The following MGAT4A variants were observed in gnomAD, a reference collection of about 807,000 sequenced individuals.
MGAT4A encodes the protein N-acetylglucosaminyltransferase IVa.
A neutral mutation model predicts 74.1 loss-of-function variants in MGAT4A; 33 were observed. The observed-to-expected ratio is 0.45, with a 90% confidence interval of 0.34 to 0.60. MGAT4A has a LOEUF of 0.60. MGAT4A is among the 20% of genes least tolerant of loss of function. The pLI is 0.02. For synonymous variants in MGAT4A, 198 were observed against 210.4 expected, an observed-to-expected ratio of 0.94 and a Z score of 0.51; for missense variants, 479 against 628.3, an observed-to-expected ratio of 0.76 and a Z score of 2.54.
At chr2:98,710,440 T>C (rs1199883349) in intron 2 of MGAT4A, among the ~76,000 whole-genome samples, 1 of 152,114 alleles carries the variant, frequency 6.6e-6, no homozygotes, top group Non-Finnish European at 1.5e-5. Flanking sequence ...GGAATATGAT[T>C]AATTTTGTGT....
chr2:98,636,506 A>G lies in MGAT4A; in HGVS notation c.1401+11T>C, dbSNP rs753358053. The G allele has an allele frequency of 6.3e-7, 1 of 1,595,252 alleles. No individual in the cohort carries two copies. Among genetic ancestry groups the G allele is most frequent in the Admixed American group, 1.7e-5 (1 of 60,008 alleles). ...TTGTTAGGGAAAGGTAAGAGGAAAT[A>G]GCAGTCATACCTTAAAAGGCAAAAC... On this transcript the variant is annotated intron_variant, in intron 13 of 15. Coordinates refer to ENST00000393487, the MANE Select transcript of MGAT4A (RefSeq NM_012214.3).
chr2:98,702,397 C>T (rs1702365665), intron 2 of MGAT4A, among the ~76,000 whole-genome samples: 1 of 152,196 alleles, frequency 6.6e-6, no homozygotes, highest in Non-Finnish European at 1.5e-5. Context: ...GACTGGCACA[C>T]CAGCTGGAGA....
chr2:98,720,269 G>T (rs1337503721), intron 2 of MGAT4A, among the ~76,000 whole-genome samples: 1 of 152,212 alleles, frequency 6.6e-6, no homozygotes. Flanking sequence ...ATTAGTATTT[G>T]AATCTGTAGA....
chr2:98,727,884 C>A (rs75603494), intron 1 of MGAT4A, among the ~76,000 whole-genome samples: 6,614 of 152,198 alleles, frequency 0.043, 198 homozygotes, highest in Non-Finnish European at 0.068. Context: ...AAAATCGTTC[C>A]TATGAGGCAG....
At chr2:98,676,848 A>G (rs1701981865) in intron 3 of MGAT4A, among the ~76,000 whole-genome samples, 1 of 152,216 alleles carries the variant, frequency 6.6e-6, no homozygotes, top group African/African-American at 2.4e-5. Context: ...AGGAAACAAA[A>G]AATGTTAGTA....
intron 8 of MGAT4A, among the ~76,000 whole-genome samples, chr2:98,653,997 C>T (rs974026595): frequency 3.9e-5 from 6 of 152,046 alleles, no homozygotes; most frequent in African/African-American, 9.7e-5. Flanking sequence ...ATACAGGGAT[C>T]GTTCAACACA....
intron 2 of MGAT4A, among the ~76,000 whole-genome samples, chr2:98,715,437 ACAC>A (rs1218467939): frequency 1.3e-5 from 2 of 152,204 alleles, no homozygotes; most frequent in Non-Finnish European, 2.9e-5. Flanking sequence ...CATTTGGAAA[ACAC>A]CACAGTAAGA....
chr2:98,654,943 C>CA (rs1701637030), intron 8 of MGAT4A, among the ~76,000 whole-genome samples: 1 of 152,088 alleles, frequency 6.6e-6, no homozygotes, highest in Non-Finnish European at 1.5e-5. Flanking sequence ...AATCCCATGA[C>CA]ATATTGTGTT....
rs1433625804 is a variant in MGAT4A, at chr2:98,624,065, T to G, written c.*1501A>C. On this transcript the variant is annotated 3_prime_UTR_variant, in exon 16 of 16. Transcript: ENST00000393487. ...TCTAGCTGTGTCGCCCAGGCTGGAG[T>G]GCAGTGGTGCGATCTCAGCTCACTG... 1.0e-6 allele frequency: 1 copy of G among 965,536 alleles called. No homozygotes were observed. The highest frequency in any genetic ancestry group is 1.2e-6 in the Non-Finnish European group (1 of 812,368). 59.8% of individuals were successfully genotyped at this position (965,536 alleles called of 1,614,324 possible).
chr2:98,676,915 G>A (rs1015148858), intron 3 of MGAT4A, among the ~76,000 whole-genome samples: 1 of 152,202 alleles, frequency 6.6e-6, no homozygotes, highest in African/African-American at 2.4e-5. Context: ...ACTAGTCCAT[G>A]AGTTTCAACA....
At chr2:98,711,956 A>C (rs922249930) in intron 2 of MGAT4A, among the ~76,000 whole-genome samples, 2 of 152,204 alleles carry the variant, frequency 1.3e-5, no homozygotes, top group Non-Finnish European at 2.9e-5. Context: ...TTTAGGATAA[A>C]GTAGTAACAT....
rs1199663027 is a variant in MGAT4A at position 98,624,665 on chromosome 2, CAA to C, written c.*899_*900del. 31 of 981,646 alleles carry C rather than the reference CAA, an allele frequency of 3.2e-5. No individual in the cohort carries two copies. The highest frequency in any genetic ancestry group is 3.7e-5 in the Non-Finnish European group (31 of 826,784). The allele number at this position is 981,646 out of a possible 1,614,324, so 60.8% of individuals were successfully genotyped here. A position where few individuals can be genotyped will look rare whatever the true frequency, so the allele number is the denominator to read the frequency against. On this transcript the variant is annotated 3_prime_UTR_variant, in exon 16 of 16. Transcript: ENST00000393487. Reference sequence around the variant, plus strand: ...ATGCACCTAATTCATGGATTAAAGACAAAGATTAAAAAGGAAAGAAGAGTTTG... The same window carrying C: ...ATGCACCTAATTCATGGATTAAAGACAGATTAAAAAGGAAAGAAGAGTTTG...
intron 1 of MGAT4A, among the ~76,000 whole-genome samples, chr2:98,729,906 C>A (rs1382962905): frequency 6.6e-6 from 1 of 152,122 alleles, no homozygotes; most frequent in African/African-American, 2.4e-5. Context: ...CATTTATTTG[C>A]CATTTATAAA....
At chr2:98,691,180 G>A (rs1372528215) in intron 2 of MGAT4A, among the ~76,000 whole-genome samples, 6 of 152,254 alleles carry the variant, frequency 3.9e-5, no homozygotes, top group Admixed American at 1.3e-4. Flanking sequence ...GAGGCTGGGC[G>A]CAGTGGCTCA....
intron 4 of MGAT4A, among the ~76,000 whole-genome samples, chr2:98,672,002 C>T (rs1330294890): frequency 1.6e-5 from 2 of 126,050 alleles, no homozygotes; most frequent in Admixed American, 1.7e-4. Context: ...AGAAGGAACA[C>T]ACCCCTCTTG....
rs1218094059 is a variant in MGAT4A at position 98,621,871 on chromosome 2, C to T, written c.*3695G>A. Reference sequence around the variant, plus strand: ...AACACCTTCTAATTATTGACTAGTGCAACCACTGATTTGAGAAGATACACA... The same window carrying T: ...AACACCTTCTAATTATTGACTAGTGTAACCACTGATTTGAGAAGATACACA... On this transcript the variant is annotated 3_prime_UTR_variant, in exon 16 of 16. Coordinates refer to ENST00000393487, the MANE Select transcript of MGAT4A (RefSeq NM_012214.3). 1 of 1,006,002 alleles carries T rather than the reference C, an allele frequency of 9.9e-7. No homozygotes were observed. Among genetic ancestry groups the T allele is most frequent in the Non-Finnish European group, 1.2e-6 (1 of 843,202 alleles). 62.3% of individuals were successfully genotyped at this position (1,006,002 alleles called of 1,614,324 possible).
At chr2:98,690,787 A>C (rs1702184909) in intron 2 of MGAT4A, among the ~76,000 whole-genome samples, 1 of 152,234 alleles carries the variant, frequency 6.6e-6, no homozygotes. Flanking sequence ...AACCCTAAGC[A>C]AAGAAATAGA....
chr2:98,719,786 T>C (rs574681101), intron 2 of MGAT4A, among the ~76,000 whole-genome samples: 199 of 152,302 alleles, frequency 1.3e-3, no homozygotes, highest in Non-Finnish European at 2.4e-3. Flanking sequence ...TAGCTGGGAT[T>C]ACAGGTGCCC....
At chr2:98,699,541 A>T (rs1434973481) in intron 2 of MGAT4A, among the ~76,000 whole-genome samples, 2 of 152,122 alleles carry the variant, frequency 1.3e-5, no homozygotes, top group Non-Finnish European at 2.9e-5. Flanking sequence ...TGCCTTACAG[A>T]ATGCCAAGCA....
Sources: gnomAD v4.1 joint callset for allele counts (sites outside exome capture counted in the v4.1 genomes callset) on GRCh38, gnomAD v4.1.1 for gene constraint, MANE v1.5 for transcripts, NCBI Gene and HGNC (gene_info 2026-07-23, HGNC 2026-07-21) for gene names.